The following PALS1 variants were observed in gnomAD, a reference collection of about 807,000 sequenced individuals.
PALS1 encodes the protein protein associated with LIN7 1, MAGUK p55 family member.
A neutral mutation model predicts 78.9 loss-of-function variants in PALS1; 31 were observed. That is an observed-to-expected ratio of 0.39 (90% CI 0.30 to 0.53). The LOEUF (loss-of-function observed/expected upper bound fraction) is 0.53, where lower values mean the gene tolerates loss of function less well. PALS1 is among the 20% of genes least tolerant of loss of function. PALS1 has a pLI of 0.67. For missense variants in PALS1, 704 were observed against 826.5 expected, an observed-to-expected ratio of 0.85 and a Z score of 1.82; for synonymous variants, 276 against 270.9, an observed-to-expected ratio of 1.02 and a Z score of -0.18.
Position 67,301,450 on chromosome 14 carries a change from A to G in PALS1, c.638A>G (p.Asn213Ser). ...KEGQELTALL[N>S]TPHIQALLLA... is the part of the protein sequence containing the mutation. ...GGACAAGAACTAACTGCTTTGCTGA[A>G]TACTCCACATATTCAGGTAGAAAAT... is the stretch of plus-strand genomic sequence containing the variant. The change falls in exon 5 of 15, where the codon AAT becomes AGT. Residue 213 changes from asparagine (N) to serine (S), a missense_variant. Asn to Ser is a conservative substitution (Grantham distance 46, BLOSUM62 1). Transcript: ENST00000261681. 1 of 1,610,280 alleles carries G rather than the reference A, an allele frequency of 6.2e-7. No homozygotes were observed. Among genetic ancestry groups the G allele is most frequent in the Non-Finnish European group, 8.5e-7 (1 of 1,177,542 alleles).
At chr14:67,323,636 A>ATC (rs1555340647) in intron 13 of PALS1, 66 bp from the exon 14 acceptor site, 10 of 434,800 alleles carry the variant, frequency 2.3e-5, no homozygotes, top group East Asian at 5.2e-5. Flanking sequence ...ATATATATAT[A>ATC]TCAGTATTAT....
chr14:67,312,840 G>T, intron 9 of PALS1, 130 bp downstream of exon 9: 1 of 709,126 alleles, frequency 1.4e-6, no homozygotes, highest in Admixed American at 3.6e-5. Context: ...CGTGTAGTTG[G>T]GTTTTTATGT....
chr14:67,327,293 G>A (rs1458899851), intron 14 of PALS1, among the ~76,000 whole-genome samples: 4 of 152,012 alleles, frequency 2.6e-5, no homozygotes, highest in East Asian at 1.9e-4. Context: ...TAGAATTGCC[G>A]GATCAAGTGA....
intron 1 of PALS1, among the ~76,000 whole-genome samples, chr14:67,261,335 G>A (rs909456487): frequency 6.6e-6 from 1 of 152,078 alleles, no homozygotes; most frequent in Non-Finnish European, 1.5e-5. Flanking sequence ...AAGAGATAAT[G>A]TATATTATGA....
At chr14:67,248,539 T>A (rs1318786826) in intron 1 of PALS1, among the ~76,000 whole-genome samples, 1 of 152,220 alleles carries the variant, frequency 6.6e-6, no homozygotes, top group Non-Finnish European at 1.5e-5. Flanking sequence ...CATATAATTT[T>A]ATAGTTTCTT....
At chr14:67,315,618 G>A (rs1445996630) in intron 9 of PALS1, among the ~76,000 whole-genome samples, 1 of 152,164 alleles carries the variant, frequency 6.6e-6, no homozygotes, top group Non-Finnish European at 1.5e-5. Context: ...TCTAGTAATA[G>A]TTACTTGTAC....
chr14:67,314,712 C>T (rs925318974), intron 9 of PALS1, among the ~76,000 whole-genome samples: 3 of 152,196 alleles, frequency 2.0e-5, no homozygotes, highest in South Asian at 2.1e-4. Context: ...CCAATGATGA[C>T]ATTTCTAAGT....
At chr14:67,293,414 A>G (rs2140830838) in intron 4 of PALS1, among the ~76,000 whole-genome samples, 1 of 152,260 alleles carries the variant, frequency 6.6e-6, no homozygotes. Flanking sequence ...CATCAAGTGA[A>G]TGTATTTCAT....
In PALS1 at chr14:67,312,612, G is replaced by A. The variant is rs2140949799; in HGVS notation, c.1127G>A (p.Gly376Asp). The change falls in exon 9 of 15, where the codon GGT becomes GAT. Residue 376 changes from glycine to aspartate, a missense_variant. Coordinates refer to ENST00000261681, the MANE Select transcript of PALS1 (RefSeq NM_022474.4). ...CRELGLSFQK[G>D]DILHVISQED... ...GAGTTAGGTCTGTCTTTTCAAAAAG[G>A]TGATATACTTCATGTGATCAGTCAA... 1 of 1,613,738 alleles carries A rather than the reference G, an allele frequency of 6.2e-7. No individual in the cohort carries two copies. Among genetic ancestry groups the A allele is most frequent in the Non-Finnish European group, 8.5e-7 (1 of 1,179,808 alleles).
intron 11 of PALS1, among the ~76,000 whole-genome samples, chr14:67,318,188 T>C (rs2085207043): frequency 6.6e-6 from 1 of 152,242 alleles, no homozygotes; most frequent in African/African-American, 2.4e-5. Flanking sequence ...TTCCTTCTTA[T>C]GTAATTTATA....
At chr14:67,305,398 G>C (rs2084986946) in intron 8 of PALS1, among the ~76,000 whole-genome samples, 1 of 152,044 alleles carries the variant, frequency 6.6e-6, no homozygotes, top group African/African-American at 2.4e-5. Context: ...TCCTACCTCA[G>C]CCTCCCTAGT....
intron 2 of PALS1, chr14:67,272,039 C>G (rs2140595148): frequency 7.0e-6 from 1 of 143,272 alleles, no homozygotes; most frequent in African/African-American, 2.7e-5. Context: ...CCATTGCACT[C>G]AAACTGGACG....
intron 4 of PALS1, among the ~76,000 whole-genome samples, chr14:67,293,209 T>A (rs2084800375): frequency 6.6e-6 from 1 of 152,146 alleles, no homozygotes; most frequent in African/African-American, 2.4e-5. Context: ...GTTTTTATTG[T>A]TAACATGATG....
At chr14:67,242,633 T>G (rs571647219) in intron 1 of PALS1, among the ~76,000 whole-genome samples, 34 of 152,300 alleles carry the variant, frequency 2.2e-4, no homozygotes, top group African/African-American at 7.9e-4. Flanking sequence ...TACGATTTTT[T>G]TTTTTTACTA....
In PALS1 at chr14:67,305,968, A is replaced by G. The variant is rs539968192; in HGVS notation, c.1041+2369A>G. Reference sequence around the variant, plus strand: ...AAAATGCCACATCTATCCCTTTTAAAATGGAGCTTTTTCTGTTCTTTTTAC... The same window carrying G: ...AAAATGCCACATCTATCCCTTTTAAGATGGAGCTTTTTCTGTTCTTTTTAC... On this transcript the variant is annotated intron_variant, in intron 8 of 14. Transcript: ENST00000261681. 5.3e-5 allele frequency among the ~76,000 whole-genome samples: 8 copies of G among 152,240 alleles called. No homozygotes were observed. In the South Asian group the frequency reaches 8.3e-4, roughly 16 times the overall value.
intron 1 of PALS1, among the ~76,000 whole-genome samples, chr14:67,252,901 A>G (rs1044177584): frequency 1.3e-5 from 2 of 152,374 alleles, no homozygotes; most frequent in Non-Finnish European, 2.9e-5. Flanking sequence ...TAGGTTGGCC[A>G]TAAATGTGTT....
At chr14:67,285,219 TAAA>T (rs1470719586) in intron 3 of PALS1, among the ~76,000 whole-genome samples, 4 of 152,174 alleles carry the variant, frequency 2.6e-5, no homozygotes, top group Non-Finnish European at 4.4e-5. Flanking sequence ...GAGGACAGGT[TAAA>T]AGAGTTGGAA....
chr14:67,277,157 ATAACT>A (rs1407412514), intron 2 of PALS1, among the ~76,000 whole-genome samples: 3 of 152,236 alleles, frequency 2.0e-5, no homozygotes, highest in Non-Finnish European at 4.4e-5. Context: ...AATGCCTAAC[ATAACT>A]TAAGAATTGC....
At chr14:67,254,148 T>C (rs1269171779) in intron 1 of PALS1, 1 of 150,898 alleles carries the variant, frequency 6.6e-6, no homozygotes, top group African/African-American at 2.4e-5. Flanking sequence ...TTTGTTTACT[T>C]ATCTGATATC....
Sources: gnomAD v4.1 joint callset for allele counts (sites outside exome capture counted in the v4.1 genomes callset) on GRCh38, gnomAD v4.1.1 for gene constraint, MANE v1.5 for transcripts, NCBI Gene and HGNC (gene_info 2026-07-23, HGNC 2026-07-21) for gene names.